Variants in MSI2 observed in about 807,000 individuals in gnomAD.
The protein encoded by MSI2 is RNA-binding protein Musashi homolog 2.
Under a neutral mutation model 45.6 loss-of-function variants are expected in MSI2, and 17 were observed. The observed-to-expected ratio is 0.37, with a 90% confidence interval of 0.26 to 0.56. MSI2 has a LOEUF of 0.56. Ranked by LOEUF, MSI2 falls within the 20% of genes least tolerant of loss-of-function variation. The pLI, the probability that MSI2 is intolerant of heterozygous loss-of-function variation, is 0.77. For missense variants in MSI2, 293 were observed against 444.2 expected (o/e 0.66, Z 3.06); for synonymous variants, 156 against 158.2 (o/e 0.99, Z 0.11).
At chr17:57,340,753 G>T (rs1223732156) in intron 5 of MSI2, among the ~76,000 whole-genome samples, 2 of 152,152 alleles carry the variant, frequency 1.3e-5, no homozygotes, top group African/African-American at 4.8e-5. Flanking sequence ...TGACTCTGGG[G>T]TAGACATGGG....
At position 57,684,210 on chromosome 17, in the gene MSI2, TGA is replaced by T. The variant is rs1913792496; in HGVS notation, c.*4695_*4696del. On this transcript the variant is annotated 3_prime_UTR_variant, in exon 14 of 14. Transcript: ENST00000284073. Reference sequence around the variant, plus strand: ...AATGTACCATCCCATGTGGAATCTGTGAGTGTCCTCTTAAGTAGCGTGGGCTA... The same window carrying T: ...AATGTACCATCCCATGTGGAATCTGTGTGTCCTCTTAAGTAGCGTGGGCTA... The T allele has an allele frequency of 4.7e-6, 1 of 211,660 alleles. No individual in the cohort carries two copies. Among genetic ancestry groups the T allele is most frequent in the Admixed American group, 5.9e-5 (1 of 16,956 alleles). 13.1% of individuals were successfully genotyped at this position (211,660 alleles called of 1,614,324 possible). A position where few individuals can be genotyped will look rare whatever the true frequency, so the allele number is the denominator to read the frequency against.
chr17:57,578,789 C>A (rs1238210391), intron 7 of MSI2, among the ~76,000 whole-genome samples: 1 of 152,100 alleles, frequency 6.6e-6, no homozygotes, highest in Non-Finnish European at 1.5e-5. Context: ...AAGCGTGGAA[C>A]AGTAACAAAT....
chr17:57,529,302 G>T lies in MSI2; in HGVS notation c.406-374G>T, dbSNP rs1353193570. On this transcript the variant is annotated intron_variant, in intron 6 of 13. Transcript: ENST00000284073. The surrounding 1 kb of genome is among the most constrained non-coding windows in gnomAD (Gnocchi z 5.3). ...ATAAAATAAAATAACTGGGCATGAT[G>T]GTACATGCCTGTAGTCCCAGCTACT... 6.6e-6 allele frequency among the ~76,000 whole-genome samples: 1 copy of T among 152,078 alleles called. No homozygotes were observed. Among genetic ancestry groups the T allele is most frequent in the Non-Finnish European group, 1.5e-5 (1 of 68,000 alleles).
At position 57,627,505 on chromosome 17, in the gene MSI2, G is replaced by A. The variant is rs950730720; in HGVS notation, c.727+202G>A. 3 of 596,180 alleles carry A rather than the reference G, an allele frequency of 5.0e-6. No homozygotes were observed. Among genetic ancestry groups the A allele is most frequent in the Middle Eastern group, 9.0e-4 (2 of 2,216 alleles). 36.9% of individuals were successfully genotyped at this position (596,180 alleles called of 1,614,324 possible). ...TGATTAACTCAGGTATAACTCACTG[G>A]TGCCGGGTATTTGAGAACGGCAGCT... On this transcript the variant is annotated intron_variant, in intron 10 of 13. Coordinates refer to ENST00000284073, the MANE Select transcript of MSI2 (RefSeq NM_138962.4). This position sits in a 1 kb window ranked among gnomAD's most constrained non-coding sequence, Gnocchi z 4.6.
intron 8 of MSI2, among the ~76,000 whole-genome samples, chr17:57,614,826 G>A (rs1009320658): frequency 7.9e-5 from 12 of 152,110 alleles, no homozygotes; most frequent in Non-Finnish European, 1.6e-4. Context: ...TTTATAGTTC[G>A]CATAGTTAAG....
chr17:57,687,292 C>A (rs1189914138), downstream of MSI2, among the ~76,000 whole-genome samples: 1 of 149,894 alleles, frequency 6.7e-6, no homozygotes, highest in African/African-American at 2.5e-5. Flanking sequence ...AAATAGCAAC[C>A]AAAAAAACTA....
intron 8 of MSI2, among the ~76,000 whole-genome samples, chr17:57,614,420 C>A (rs1907478861): frequency 6.6e-6 from 1 of 152,184 alleles, no homozygotes; most frequent in Non-Finnish European, 1.5e-5. Flanking sequence ...TCAGGCACAC[C>A]TGTGAACAAT....
chr17:57,394,144 T>C (rs991811549), intron 5 of MSI2, among the ~76,000 whole-genome samples: 3 of 152,242 alleles, frequency 2.0e-5, no homozygotes, highest in African/African-American at 7.2e-5. Flanking sequence ...TTAGAAAAGG[T>C]GAAGACATAC....
At chr17:57,345,074 G>A (rs919640163) in intron 5 of MSI2, among the ~76,000 whole-genome samples, 15 of 151,978 alleles carry the variant, frequency 9.9e-5, no homozygotes, top group Non-Finnish European at 1.6e-4. Context: ...AAAAAAAAAG[G>A]CCTACTAAAA....
intron 10 of MSI2, among the ~76,000 whole-genome samples, chr17:57,643,281 C>T (rs74547460): frequency 0.01 from 1,594 of 152,294 alleles, 29 homozygotes; most frequent in African/African-American, 0.036. Context: ...TGGAGGAAGG[C>T]GTGAGCTCTC....
chr17:57,690,589 A>G, the MSI2 span, among the ~76,000 whole-genome samples: 1 of 152,216 alleles, frequency 6.6e-6, no homozygotes, highest in African/African-American at 2.4e-5. Context: ...ACTGTACTCC[A>G]GCCTAGGTGA....
intron 7 of MSI2, among the ~76,000 whole-genome samples, chr17:57,591,770 G>T (rs573419891): frequency 3.6e-4 from 55 of 152,004 alleles, no homozygotes; most frequent in African/African-American, 1.3e-3. Flanking sequence ...TACTAGGGCT[G>T]GGGGAGGGGG....
intron 6 of MSI2, among the ~76,000 whole-genome samples, chr17:57,500,585 G>T (rs2086082814): frequency 6.6e-6 from 1 of 151,726 alleles, no homozygotes; most frequent in African/African-American, 2.4e-5. Context: ...GGTCTGTAGG[G>T]TGTGTGTGTT....
At position 57,441,636 on chromosome 17, in the gene MSI2, G is replaced by A. The variant is rs181916890; in HGVS notation, c.405+40165G>A. On this transcript the variant is annotated intron_variant, in intron 6 of 13. Transcript: ENST00000284073. ...TCCCTCTGTGAGGTCCAGCACAGAA[G>A]GCATCTCTCACCAGGGTCCCTTTCT... Among the ~76,000 whole-genome samples the A allele has an allele frequency of 1.9e-3, 284 of 152,308 alleles. 3 individuals carry two copies. Among genetic ancestry groups the A allele is most frequent in the Admixed American group, 0.016 (249 of 15,302 alleles).
intron 11 of MSI2, among the ~76,000 whole-genome samples, chr17:57,673,070 C>T (rs1037712042): frequency 6.6e-6 from 1 of 152,232 alleles, no homozygotes; most frequent in Non-Finnish European, 1.5e-5. Flanking sequence ...CTTCGGGCTT[C>T]CCGCCCCAAG....
At chr17:57,627,000 C>T (rs766482660) in intron 9 of MSI2, 15 of 592,148 alleles carry the variant, frequency 2.5e-5, no homozygotes, top group African/African-American at 1.1e-4. Flanking sequence ...ATGGGCTTTG[C>T]GGGGTCTGGC....
chr17:57,422,091 A>ACCAGG (rs1056262884), intron 6 of MSI2, among the ~76,000 whole-genome samples: 2 of 152,242 alleles, frequency 1.3e-5, no homozygotes, highest in African/African-American at 4.8e-5. Flanking sequence ...GATAGTAAAT[A>ACCAGG]CCAGGTATTT....
At chr17:57,284,107 T>C (rs190165419) in intron 5 of MSI2, among the ~76,000 whole-genome samples, 1 of 152,340 alleles carries the variant, frequency 6.6e-6, no homozygotes, top group Non-Finnish European at 1.5e-5. Flanking sequence ...TTTTTAATTC[T>C]CAAAAGGGGC....
At chr17:57,540,716 A>C (rs1202315632) in intron 7 of MSI2, among the ~76,000 whole-genome samples, 1 of 152,208 alleles carries the variant, frequency 6.6e-6, no homozygotes, top group African/African-American at 2.4e-5. Context: ...ACCAGAAGCT[A>C]AGAGAAGAGC....
Sources: gnomAD v4.1 joint callset for allele counts (sites outside exome capture counted in the v4.1 genomes callset) on GRCh38, gnomAD v4.1.1 for gene constraint, Gnocchi (gnomAD v3.1) non-coding constraint, MANE v1.5 for transcripts, NCBI Gene and HGNC (gene_info 2026-07-23, HGNC 2026-07-21) for gene names.